Variants in PRKCE observed in about 807,000 individuals in gnomAD.
PRKCE encodes the protein protein kinase C epsilon.
In PRKCE, 16 loss-of-function variants were observed where a neutral mutation model predicts 85.4. The observed-to-expected ratio is 0.19, with a 90% confidence interval of 0.13 to 0.28. The LOEUF (loss-of-function observed/expected upper bound fraction) is 0.28. Ranked by LOEUF, PRKCE falls within the 10% of genes least tolerant of loss-of-function variation. The probability of loss-of-function intolerance (pLI) is 1.00; values close to 1 mark genes in which losing one functional copy is unlikely to be tolerated. For missense variants in PRKCE, 573 were observed against 975.2 expected (o/e 0.59, Z 5.49); for synonymous variants, 388 against 371.5 (o/e 1.04, Z -0.51).
At chr2:45,903,826 C>G (rs56916622) in intron 2 of PRKCE, among the ~76,000 whole-genome samples, 2,354 of 152,038 alleles carry the variant, frequency 0.015, 68 homozygotes, top group African/African-American at 0.054. Flanking sequence ...TCATCACTTT[C>G]ATCATATCCC....
At chr2:45,689,609 G>A (rs1403207454) in intron 1 of PRKCE, among the ~76,000 whole-genome samples, 1 of 151,740 alleles carries the variant, frequency 6.6e-6, no homozygotes, top group East Asian at 1.9e-4. Flanking sequence ...AAAAGTAAAT[G>A]CTTAAAAGTT....
chr2:45,698,546 T>C (rs1264447036), intron 1 of PRKCE, among the ~76,000 whole-genome samples: 1 of 150,584 alleles, frequency 6.6e-6, no homozygotes, highest in African/African-American at 2.5e-5. Context: ...TTTCAACAGC[T>C]GTTGCAAACA....
chr2:45,881,759 CCCTTCTGGCTCTGTGT>C (rs1323192922), intron 2 of PRKCE, among the ~76,000 whole-genome samples: 5 of 152,340 alleles, frequency 3.3e-5, no homozygotes, highest in Admixed American at 2.0e-4. Flanking sequence ...GCAAACTCAG[CCCTTCTGGCTCTGTGT>C]CCTTAATCTT....
chr2:45,661,849 T>A (rs961684866), intron 1 of PRKCE, among the ~76,000 whole-genome samples: 2 of 152,146 alleles, frequency 1.3e-5, no homozygotes, highest in Non-Finnish European at 2.9e-5. Flanking sequence ...TAGAAGAGTT[T>A]TAAAAAATCA....
At position 45,802,892 on chromosome 2, in the gene PRKCE, T is replaced by A. The variant is rs188186211; in HGVS notation, c.349-40108T>A. ...GGACCATCTTGATTATTATTCAGTG[T>A]TTTTAGTCACCAACTGTAGAACACA... is the stretch of plus-strand genomic sequence containing the variant. On this transcript the variant is annotated intron_variant, in intron 1 of 14. Coordinates refer to ENST00000306156, the MANE Select transcript of PRKCE (RefSeq NM_005400.3). Among the ~76,000 whole-genome samples the A allele has an allele frequency of 2.6e-5, 4 of 152,330 alleles. No homozygotes were observed. In the East Asian group the frequency reaches 7.7e-4, roughly 29 times the overall value.
intron 2 of PRKCE, among the ~76,000 whole-genome samples, chr2:45,868,914 T>C (rs920244381): frequency 6.7e-6 from 1 of 149,310 alleles, no homozygotes; most frequent in African/African-American, 2.5e-5. Flanking sequence ...GCCAAGATCG[T>C]GCCACTGCAC....
At chr2:45,698,323 A>G (rs1465551932) in intron 1 of PRKCE, among the ~76,000 whole-genome samples, 1 of 152,136 alleles carries the variant, frequency 6.6e-6, no homozygotes, top group Non-Finnish European at 1.5e-5. Context: ...ATTTTAGCAA[A>G]ATGAATGTAG....
chr2:45,679,934 G>A (rs1367210630), intron 1 of PRKCE, among the ~76,000 whole-genome samples: 1 of 152,184 alleles, frequency 6.6e-6, no homozygotes, highest in Non-Finnish European at 1.5e-5. Context: ...CTAAACCTAG[G>A]CTCTGCCCTG....
At chr2:46,135,892 T>G (rs1012000114) in intron 11 of PRKCE, among the ~76,000 whole-genome samples, 6 of 150,872 alleles carry the variant, frequency 4.0e-5, no homozygotes, top group African/African-American at 1.5e-4. Context: ...AGGAAGAGGG[T>G]GCCTGCCAGT....
chr2:46,069,973 C>G (rs2103717458), intron 10 of PRKCE, among the ~76,000 whole-genome samples: 1 of 152,328 alleles, frequency 6.6e-6, no homozygotes, highest in East Asian at 1.9e-4. Flanking sequence ...CCGACAGATT[C>G]ACACATGGTG....
At chr2:45,951,001 G>A (rs1213144325) in intron 2 of PRKCE, among the ~76,000 whole-genome samples, 2 of 152,150 alleles carry the variant, frequency 1.3e-5, no homozygotes, top group Non-Finnish European at 2.9e-5. Flanking sequence ...TCCAAATAGT[G>A]TCCTTGTACA....
At chr2:45,932,700 G>A (rs1461529550) in intron 2 of PRKCE, among the ~76,000 whole-genome samples, 3 of 152,108 alleles carry the variant, frequency 2.0e-5, no homozygotes, top group Non-Finnish European at 4.4e-5. Flanking sequence ...GTGTGTTTAT[G>A]TTACTGGACA....
At chr2:45,904,021 A>AC (rs1553445503) in intron 2 of PRKCE, among the ~76,000 whole-genome samples, 2 of 151,338 alleles carry the variant, frequency 1.3e-5, no homozygotes, top group Non-Finnish European at 2.9e-5. Context: ...CTCGTGCCTC[A>AC]CCCTTTGGAG....
rs767003027 is a variant in PRKCE, at chr2:46,184,932, A to G, written c.*51A>G. On this transcript the variant is annotated 3_prime_UTR_variant, in exon 15 of 15. Coordinates refer to ENST00000306156, the MANE Select transcript of PRKCE (RefSeq NM_005400.3). This position sits in a 1 kb window ranked among gnomAD's most constrained non-coding sequence, Gnocchi z 5.0. ...GATGCTGCAAGAAGGGGTGCAGAGA[A>G]GACTCCTGTGTTGGAGACACTCAGC... The G allele has an allele frequency of 6.3e-7, 1 of 1,594,824 alleles. No homozygotes were observed. Among genetic ancestry groups the G allele is most frequent in the Non-Finnish European group, 8.5e-7 (1 of 1,176,834 alleles).
chr2:46,015,153 C>A (rs1435431445), intron 10 of PRKCE, among the ~76,000 whole-genome samples: 3 of 152,016 alleles, frequency 2.0e-5, no homozygotes, highest in African/African-American at 7.2e-5. Flanking sequence ...TTTGGAATTG[C>A]CTCTCCCAGT....
At chr2:46,031,795 G>C (rs1707539650) in intron 10 of PRKCE, among the ~76,000 whole-genome samples, 1 of 152,092 alleles carries the variant, frequency 6.6e-6, no homozygotes, top group Non-Finnish European at 1.5e-5. Context: ...AGTCCATCAT[G>C]CTCCTCCTCT....
chr2:45,784,047 T>C (rs1457451999), intron 1 of PRKCE, among the ~76,000 whole-genome samples: 1 of 152,260 alleles, frequency 6.6e-6, no homozygotes, highest in Non-Finnish European at 1.5e-5. Context: ...ATCCAATATC[T>C]TCTCTGGATG....
chr2:46,101,859 C>CA (rs56811595), intron 11 of PRKCE, among the ~76,000 whole-genome samples: 123 of 114,038 alleles, frequency 1.1e-3, no homozygotes, highest in Non-Finnish European at 1.7e-3. Flanking sequence ...AACTGGCTTT[C>CA]AAAAAAAAAA....
intron 1 of PRKCE, among the ~76,000 whole-genome samples, chr2:45,679,122 AG>A (rs1392005271): frequency 6.6e-5 from 10 of 152,328 alleles, no homozygotes; most frequent in African/African-American, 2.2e-4. Context: ...ATCCGAAGCC[AG>A]TCATGGAAAA....
Sources: gnomAD v4.1 joint callset for allele counts (sites outside exome capture counted in the v4.1 genomes callset) on GRCh38, gnomAD v4.1.1 for gene constraint, Gnocchi (gnomAD v3.1) non-coding constraint, MANE v1.5 for transcripts, NCBI Gene and HGNC (gene_info 2026-07-23, HGNC 2026-07-21) for gene names.